Variants in PHF24 observed in about 807,000 individuals in gnomAD.
PHF24 encodes PHD finger protein 24.
A neutral mutation model predicts 42.6 loss-of-function variants in PHF24; 25 were observed. That is an observed-to-expected ratio of 0.59 (90% CI 0.43 to 0.82). PHF24 has a LOEUF of 0.82. Among genes scored for constraint, PHF24 ranks in the 40% least tolerant of loss-of-function variants. The pLI is 0.00. For missense variants in PHF24, 470 were observed against 538.1 expected (o/e 0.87, Z 1.25); for synonymous variants, 185 against 204.8 (o/e 0.90, Z 0.83).
the PHF24 span, among the ~76,000 whole-genome samples, chr9:34,929,095 A>G: frequency 6.6e-6 from 1 of 152,198 alleles, no homozygotes; most frequent in South Asian, 2.1e-4. Context: ...TGAGGCTTGT[A>G]CCCTGTCACC....
chr9:34,830,459 G>A, the PHF24 span, among the ~76,000 whole-genome samples: 1 of 152,206 alleles, frequency 6.6e-6, no homozygotes, highest in Admixed American at 6.5e-5. Flanking sequence ...TCCTTAAGAG[G>A]TCAGGCGTTC....
chr9:34,781,786 G>C, the PHF24 span, among the ~76,000 whole-genome samples: 1 of 152,010 alleles, frequency 6.6e-6, no homozygotes. Context: ...ATCATTTTCT[G>C]TAGGGGGAGA....
intron 1 of PHF24, among the ~76,000 whole-genome samples, chr9:34,961,818 T>C (rs1368439257): frequency 2.6e-5 from 4 of 152,248 alleles, no homozygotes; most frequent in Admixed American, 2.0e-4. Flanking sequence ...TTAGATAGCA[T>C]GTTACAGTTT....
chr9:34,815,822 T>A, the PHF24 span, among the ~76,000 whole-genome samples: 2 of 152,174 alleles, frequency 1.3e-5, no homozygotes, highest in African/African-American at 4.8e-5. Context: ...CAAATCAATA[T>A]TTTAAGACTT....
chr9:34,913,494 T>C, the PHF24 span, among the ~76,000 whole-genome samples: 1 of 152,224 alleles, frequency 6.6e-6, no homozygotes, highest in South Asian at 2.1e-4. Flanking sequence ...GCAAAATCTT[T>C]ATCTTTTGCT....
At chr9:34,766,580 G>A in the PHF24 span, among the ~76,000 whole-genome samples, 11 of 152,058 alleles carry the variant, frequency 7.2e-5, no homozygotes, top group African/African-American at 1.2e-4. Flanking sequence ...CTCTGTATTG[G>A]TTATTCTAGT....
the PHF24 span, among the ~76,000 whole-genome samples, chr9:34,806,243 T>G: frequency 2.0e-5 from 3 of 152,204 alleles, no homozygotes; most frequent in Non-Finnish European, 2.9e-5. Context: ...ATCTATCGCT[T>G]TCTAAAACAA....
chr9:34,903,363 TCAAAACCA>T, the PHF24 span, among the ~76,000 whole-genome samples: 3 of 152,032 alleles, frequency 2.0e-5, no homozygotes, highest in Non-Finnish European at 4.4e-5. Flanking sequence ...GGCTAGGAGT[TCAAAACCA>T]GCCTGGGCAA....
the PHF24 span, chr9:34,923,050 T>G: frequency 6.6e-5 from 3 of 45,336 alleles, no homozygotes; most frequent in East Asian, 3.3e-4. Context: ...TTTGTTTTTG[T>G]TTTTTTTTTT....
chr9:34,880,224 C>T, the PHF24 span, among the ~76,000 whole-genome samples: 90 of 152,244 alleles, frequency 5.9e-4, no homozygotes, highest in African/African-American at 1.8e-3. Flanking sequence ...AAGGAACAAC[C>T]GGTACCAGCC....
At chr9:34,851,164 T>A in the PHF24 span, among the ~76,000 whole-genome samples, 215 of 152,294 alleles carry the variant, frequency 1.4e-3, no homozygotes, top group Middle Eastern at 3.4e-3. Context: ...CTGCAGAGGT[T>A]ACTGCTGTCT....
At chr9:34,720,493 G>A in the PHF24 span, among the ~76,000 whole-genome samples, 3 of 150,824 alleles carry the variant, frequency 2.0e-5, no homozygotes, top group Non-Finnish European at 4.4e-5. Context: ...TCATAAAGAA[G>A]TCACAGCACT....
chr9:34,695,740 T>C, the PHF24 span, among the ~76,000 whole-genome samples: 4 of 152,146 alleles, frequency 2.6e-5, no homozygotes, highest in Non-Finnish European at 5.9e-5. Context: ...CCCCACACAC[T>C]TATGGGTACC....
chr9:34,863,415 CAGAGAGAGAGAG>C, the PHF24 span, among the ~76,000 whole-genome samples: 7,598 of 146,866 alleles, frequency 0.052, 270 homozygotes, highest in Non-Finnish European at 0.075. Context: ...GCTGGCTCAT[CAGAGAGAGAGAG>C]AGAGAGAGAG....
chr9:34,852,213 G>T, the PHF24 span, among the ~76,000 whole-genome samples: 1 of 152,088 alleles, frequency 6.6e-6, no homozygotes, highest in African/African-American at 2.4e-5. Context: ...AAGAATACAA[G>T]ATATAATACA....
At chr9:34,730,183 G>A in the PHF24 span, among the ~76,000 whole-genome samples, 2 of 152,220 alleles carry the variant, frequency 1.3e-5, no homozygotes, top group African/African-American at 4.8e-5. Context: ...ATGGTTGGAT[G>A]TATGCTGTTT....
the PHF24 span, among the ~76,000 whole-genome samples, chr9:34,746,959 G>C: frequency 6.6e-6 from 1 of 151,984 alleles, no homozygotes; most frequent in African/African-American, 2.4e-5. Context: ...GACACAAAAA[G>C]CACTAATCAT....
the PHF24 span, among the ~76,000 whole-genome samples, chr9:34,874,413 T>TG: frequency 2.0e-5 from 3 of 152,188 alleles, no homozygotes; most frequent in Admixed American, 1.3e-4. Flanking sequence ...ACAAGGGATA[T>TG]GCTTTTTCAA....
the PHF24 span, among the ~76,000 whole-genome samples, chr9:34,697,937 C>T: frequency 6.6e-6 from 1 of 152,064 alleles, no homozygotes; most frequent in African/African-American, 2.4e-5. Context: ...CAGATGTTAC[C>T]ACCTAACCAT....
Sources: gnomAD v4.1 joint callset for allele counts (sites outside exome capture counted in the v4.1 genomes callset) on GRCh38, gnomAD v4.1.1 for gene constraint, MANE v1.5 for transcripts, NCBI Gene and HGNC (gene_info 2026-07-23, HGNC 2026-07-21) for gene names.